The following AFAP1 variants were observed in gnomAD, a reference collection of about 807,000 sequenced individuals.
The protein encoded by AFAP1 is actin filament-associated protein 1.
In AFAP1, 75 loss-of-function variants were observed where a neutral mutation model predicts 93.9. The ratio of observed to expected loss-of-function variants is 0.80; its 90% CI spans 0.66 to 0.97. AFAP1 has a LOEUF of 0.97. AFAP1 is among the 50% of genes least tolerant of loss of function. The probability of loss-of-function intolerance (pLI) is 0.00; values close to 1 mark genes in which losing one functional copy is unlikely to be tolerated. For missense variants in AFAP1, 1,201 were observed against 1,050.8 expected (o/e 1.14, Z -1.98); for synonymous variants, 517 against 430.7 (o/e 1.20, Z -2.48).
At position 7,833,979 on chromosome 4, in the gene AFAP1, T is replaced by C. The variant is rs141730979; in HGVS notation, c.726+4545A>G. On this transcript the variant is annotated intron_variant, in intron 6 of 17. Coordinates refer to ENST00000420658, the MANE Select transcript of AFAP1 (RefSeq NM_001134647.2). ...CTACCCAGAGGAAAAGAAGGCATTA[T>C]AAAAAAAATACACTTGCACACACAT... Among the ~76,000 whole-genome samples, 31 of 151,652 alleles carry C rather than the reference T, an allele frequency of 2.0e-4. 1 individual carries two copies. In the East Asian group the frequency reaches 5.6e-3, roughly 27 times the overall value.
At position 7,781,562 on chromosome 4, in the gene AFAP1, A is replaced by G; in HGVS notation, c.1596T>C (p.Asp532=). Reference sequence around the variant, plus strand: ...GCAAGTTATCGTACAGGCCTGCGTTATCATAAAGCACCTCTTCTCCCAAGC... The same window carrying G: ...GCAAGTTATCGTACAGGCCTGCGTTGTCATAAAGCACCTCTTCTCCCAAGC... The part of the protein sequence containing the change: ...SRGLGEEVLY[D]NAGLYDNLPP... Residue 532 remains aspartate, a synonymous_variant, in exon 13 of 18, where the codon GAT becomes GAC. Transcript: ENST00000420658. 4 of 1,551,958 alleles carry G rather than the reference A, an allele frequency of 2.6e-6. No individual in the cohort carries two copies. The highest frequency in any genetic ancestry group is 3.5e-6 in the Non-Finnish European group (4 of 1,147,058).
chr4:7,875,717 A>G (rs1474572712), intron 1 of AFAP1, among the ~76,000 whole-genome samples: 2 of 152,232 alleles, frequency 1.3e-5, no homozygotes, highest in Non-Finnish European at 2.9e-5. Context: ...TGGATAAATG[A>G]AATGTGGTAT....
At chr4:7,766,120 G>A (rs1269936186) in intron 17 of AFAP1, among the ~76,000 whole-genome samples, 1 of 152,180 alleles carries the variant, frequency 6.6e-6, no homozygotes, top group African/African-American at 2.4e-5. Flanking sequence ...AGCAAATCTG[G>A]CAGAAACAAA....
chr4:7,764,067 G>A (rs1400354894), intron 17 of AFAP1, among the ~76,000 whole-genome samples: 2 of 152,342 alleles, frequency 1.3e-5, no homozygotes, highest in Admixed American at 1.3e-4. Context: ...CCGATGGATA[G>A]ACATGTAAAA....
At chr4:7,787,923 A>T (rs923083595) in intron 11 of AFAP1, among the ~76,000 whole-genome samples, 1 of 151,978 alleles carries the variant, frequency 6.6e-6, no homozygotes, top group Non-Finnish European at 1.5e-5. Context: ...TCCTCTCCTG[A>T]CACCCCTCGC....
At chr4:7,815,994 GT>G in intron 8 of AFAP1, 23 bp downstream of exon 8, 4 of 1,561,288 alleles carry the variant, frequency 2.6e-6, no homozygotes, top group Middle Eastern at 1.7e-4. Context: ...GTGTATATAT[GT>G]TTTTGGCACA....
chr4:7,857,791 T>C (rs773347277), intron 3 of AFAP1, among the ~76,000 whole-genome samples: 11 of 152,226 alleles, frequency 7.2e-5, no homozygotes, highest in African/African-American at 1.2e-4. Flanking sequence ...AATAGCTGAA[T>C]CAAACAAACG....
rs117008004 is a variant in AFAP1, at chr4:7,788,277, G to C, written c.1413-1966C>G. 3.3e-5 allele frequency among the ~76,000 whole-genome samples: 5 copies of C among 152,332 alleles called. No homozygotes were observed. In the East Asian group the frequency reaches 9.7e-4, roughly 29 times the overall value. ...GATCACCAGATGAAGAAAACACAGC[G>C]TAAGTGAAAACCGGGGAGAGAAACA... On this transcript the variant is annotated intron_variant, in intron 11 of 17. Transcript: ENST00000420658.
At chr4:7,834,827 G>C (rs1315157897) in intron 6 of AFAP1, among the ~76,000 whole-genome samples, 8 of 152,276 alleles carry the variant, frequency 5.3e-5, no homozygotes, top group African/African-American at 1.9e-4. Context: ...GGAGTTAAGA[G>C]TGAACTGAAA....
chr4:7,841,954 C>T (rs1254190525), intron 5 of AFAP1, among the ~76,000 whole-genome samples: 1 of 152,150 alleles, frequency 6.6e-6, no homozygotes, highest in East Asian at 1.9e-4. Flanking sequence ...CTGCTAATCC[C>T]TACACACAAC....
intron 1 of AFAP1, among the ~76,000 whole-genome samples, chr4:7,881,230 C>T (rs1236979433): frequency 6.6e-6 from 1 of 152,104 alleles, no homozygotes; most frequent in Admixed American, 6.5e-5. Context: ...GTCTAGTCTA[C>T]ACCACTCATC....
chr4:7,885,832 C>T (rs1456724146), intron 1 of AFAP1, among the ~76,000 whole-genome samples: 4 of 152,148 alleles, frequency 2.6e-5, no homozygotes, highest in Admixed American at 6.5e-5. Context: ...TTCCTTTTCT[C>T]GAGCAAGTTG....
intron 9 of AFAP1, 48 bp downstream of exon 9, chr4:7,809,566 A>C: frequency 6.4e-7 from 1 of 1,570,308 alleles, no homozygotes. Context: ...GGAGAAAATG[A>C]AACCCACTTA....
chr4:7,884,444 T>TAGCC (rs1383274828), intron 1 of AFAP1, among the ~76,000 whole-genome samples: 1 of 152,136 alleles, frequency 6.6e-6, no homozygotes, highest in Admixed American at 6.5e-5. Flanking sequence ...GAAGAGAGAA[T>TAGCC]AGCCAGCCCT....
At chr4:7,901,517 C>A (rs1320075) in intron 1 of AFAP1, among the ~76,000 whole-genome samples, 69,315 of 152,074 alleles carry the variant, frequency 0.46, 18,175 homozygotes, top group Non-Finnish European at 0.61. Context: ...CTGCAGCAGC[C>A]CCACTCCTGT....
rs189604003 is a variant in AFAP1, at chr4:7,935,308, A to C, written c.-3+4348T>G. Among the ~76,000 whole-genome samples the C allele has an allele frequency of 6.6e-5, 10 of 152,360 alleles. No homozygotes were observed. The East Asian group carries it at 1.9e-3, about 29-fold the overall frequency. On this transcript the variant is annotated intron_variant, in intron 1 of 17. Transcript: ENST00000420658. ...TACAGGTAAGGGAACTGAAGTTCAG[A>C]AAAGTACTTGGACTTAACAAAAGCT...
At chr4:7,839,619 T>C (rs1712747380) in intron 5 of AFAP1, among the ~76,000 whole-genome samples, 1 of 151,954 alleles carries the variant, frequency 6.6e-6, no homozygotes, top group South Asian at 2.1e-4. Flanking sequence ...ATGTATAATA[T>C]ACAAAGCTGA....
intron 4 of AFAP1, among the ~76,000 whole-genome samples, chr4:7,855,093 T>C (rs1429264372): frequency 6.6e-6 from 1 of 152,230 alleles, no homozygotes; most frequent in Non-Finnish European, 1.5e-5. Context: ...GGAAACTGCT[T>C]TAATCGTGGC....
Position 7,936,148 on chromosome 4 carries a change from T to G in AFAP1, c.-3+3508A>C, listed in dbSNP as rs569677263. 2.6e-5 allele frequency among the ~76,000 whole-genome samples: 4 copies of G among 152,222 alleles called. No individual in the cohort carries two copies. In the South Asian group the frequency reaches 8.3e-4, roughly 32 times the overall value. On this transcript the variant is annotated intron_variant, in intron 1 of 17. Transcript: ENST00000420658. ...AATTGTAATTCAGTAGCTCACGACT[T>G]GACCAAATGGCTATTTTTAATCCCT...
Sources: gnomAD v4.1 joint callset for allele counts (sites outside exome capture counted in the v4.1 genomes callset) on GRCh38, gnomAD v4.1.1 for gene constraint, MANE v1.5 for transcripts, NCBI Gene and HGNC (gene_info 2026-07-23, HGNC 2026-07-21) for gene names.